The following SH3GLB1 variants were observed in gnomAD, a reference collection of about 807,000 sequenced individuals.
SH3GLB1 encodes SH3 domain containing GRB2 like, endophilin B1, also known as endophilin-B1.
SH3GLB1 carries 17 observed loss-of-function variants against 42.0 expected under a neutral mutation model. The observed-to-expected ratio is 0.40, with a 90% CI of 0.28 to 0.61. The LOEUF is 0.61. SH3GLB1 is among the 20% of genes least tolerant of loss of function. The pLI is 0.36. For synonymous variants in SH3GLB1, 132 were observed against 146.6 expected (o/e 0.90, Z 0.72); for missense variants, 355 against 426.3 (o/e 0.83, Z 1.47).
In SH3GLB1 at chr1:86,746,858, ACT is replaced by A. The variant is rs1656332828; in HGVS notation, c.*3626_*3627del. ...ACTCCAACCTGGGTGATAGAATAAG[ACT>A]CTTGTCTCAAGGAAAGAAAAAATGT... On this transcript the variant is annotated 3_prime_UTR_variant, in exon 9 of 9. Transcript: ENST00000370558. 6.6e-6 allele frequency: 1 copy of A among 151,918 alleles called. No individual in the cohort carries two copies. Among genetic ancestry groups the A allele is most frequent in the African/African-American group, 2.4e-5 (1 of 41,320 alleles). The allele number at this position is 151,918 out of a possible 1,614,324, so 9.4% of individuals were successfully genotyped here.
Position 86,743,205 on chromosome 1 carries a change from G to A in SH3GLB1, c.1068G>A (p.Val356=), listed in dbSNP as rs1558343636. 1 of 1,613,260 alleles carries A rather than the reference G, an allele frequency of 6.2e-7. No individual in the cohort carries two copies. Among genetic ancestry groups the A allele is most frequent in the Non-Finnish European group, 8.5e-7 (1 of 1,179,708 alleles). The change falls in exon 9 of 9, where the codon GTG becomes GTA. Residue 356 remains valine (V), a synonymous_variant. Transcript: ENST00000370558. ...AAAGGGGAAACCAGAAGGGCAAGGT[G>A]CCAATTACCTACTTAGAACTGCTCA... ...MGERGNQKGK[V]PITYLELLN is the part of the protein sequence containing the mutation.
intron 1 of SH3GLB1, among the ~76,000 whole-genome samples, chr1:86,707,132 T>C (rs1396116180): frequency 6.6e-6 from 1 of 152,176 alleles, no homozygotes; most frequent in Non-Finnish European, 1.5e-5. Context: ...ATAAAAATCA[T>C]GGCCAGAAGA....
At position 86,745,815 on chromosome 1, in the gene SH3GLB1, TATTA is replaced by T. The variant is rs1197771583; in HGVS notation, c.*2584_*2587del. ...CGTGGAAGAAAAAGCTTGGGAAGCC[TATTA>T]ATTCATGGTGCAGTTCAGAATTGTT... On this transcript the variant is annotated 3_prime_UTR_variant, in exon 9 of 9. Transcript: ENST00000370558. The T allele has an allele frequency of 3.3e-5, 5 of 152,596 alleles. No homozygotes were observed. Among genetic ancestry groups the T allele is most frequent in the South Asian group, 4.1e-4 (2 of 4,824 alleles). 9.5% of individuals were successfully genotyped at this position (152,596 alleles called of 1,614,324 possible).
intron 5 of SH3GLB1, among the ~76,000 whole-genome samples, chr1:86,729,136 T>C (rs570869859): frequency 2.6e-5 from 4 of 152,286 alleles, no homozygotes; most frequent in South Asian, 2.1e-4. Flanking sequence ...TTTAGTAAAA[T>C]AGAAAGTTGT....
intron 1 of SH3GLB1, among the ~76,000 whole-genome samples, chr1:86,705,634 A>G (rs561998053): frequency 3.3e-5 from 5 of 152,182 alleles, no homozygotes; most frequent in Non-Finnish European, 5.9e-5. Context: ...ATGCGGGGAT[A>G]TTGTTATGGC....
At chr1:86,732,638 C>T (rs1655573514) in intron 5 of SH3GLB1, among the ~76,000 whole-genome samples, 2 of 152,124 alleles carry the variant, frequency 1.3e-5, no homozygotes, top group African/African-American at 4.8e-5. Flanking sequence ...ACAGAAGGAC[C>T]TCCTAAGCTT....
Position 86,715,691 on chromosome 1 carries a change from T to C in SH3GLB1, c.73-33T>C, listed in dbSNP as rs370681037. ...ATGGTTCCCTAAAATTTATTTGCAG[T>C]ATATTTAATTTTTGTTTTACAATCA... On this transcript the variant is annotated intron_variant, in intron 1 of 8. Coordinates refer to ENST00000370558, the MANE Select transcript of SH3GLB1 (RefSeq NM_016009.5). 3.7e-5 allele frequency: 58 copies of C among 1,561,354 alleles called. No homozygotes were observed. The African/African-American group carries it at 7.2e-4, about 20-fold the overall frequency.
intron 7 of SH3GLB1, among the ~76,000 whole-genome samples, chr1:86,741,608 A>G (rs556550896): frequency 1.3e-5 from 2 of 152,298 alleles, no homozygotes; most frequent in Admixed American, 6.5e-5. Flanking sequence ...TTGAATGTCT[A>G]CCTTCTCACT....
At chr1:86,725,656 G>A (rs1189298767) in intron 5 of SH3GLB1, among the ~76,000 whole-genome samples, 3 of 152,094 alleles carry the variant, frequency 2.0e-5, no homozygotes, top group African/African-American at 4.8e-5. Flanking sequence ...TTGCGTTAAT[G>A]AGCATATTAC....
intron 1 of SH3GLB1, among the ~76,000 whole-genome samples, chr1:86,714,670 T>C (rs535748780): frequency 1.3e-5 from 2 of 152,230 alleles, no homozygotes; most frequent in East Asian, 3.9e-4. Context: ...AACGAGATTT[T>C]TGAGAAACGA....
intron 4 of SH3GLB1, among the ~76,000 whole-genome samples, chr1:86,723,549 T>A (rs1174399570): frequency 6.6e-6 from 1 of 151,986 alleles, no homozygotes; most frequent in South Asian, 2.1e-4. Flanking sequence ...AAATAAAAAT[T>A]AGCTTATCAG....
At chr1:86,724,166 T>G in intron 4 of SH3GLB1, 147 bp from the exon 5 acceptor site, 1 of 482,698 alleles carries the variant, frequency 2.1e-6, no homozygotes, top group Non-Finnish European at 3.6e-6. Flanking sequence ...GGCAGATACA[T>G]GAATGGTAAC....
intron 2 of SH3GLB1, among the ~76,000 whole-genome samples, chr1:86,716,955 T>G (rs1425835513): frequency 6.6e-6 from 1 of 152,212 alleles, no homozygotes; most frequent in Non-Finnish European, 1.5e-5. Context: ...CAGTTCTCTA[T>G]CATTTTAGTT....
chr1:86,737,023 G>A (rs563904584), intron 7 of SH3GLB1, among the ~76,000 whole-genome samples: 2 of 152,268 alleles, frequency 1.3e-5, no homozygotes, highest in South Asian at 4.1e-4. Context: ...CCATCACTTT[G>A]GTTGAGCTTA....
Position 86,705,641 on chromosome 1 carries a change from T to C in SH3GLB1, c.72+670T>C, listed in dbSNP as rs149257796. 2.4e-3 allele frequency among the ~76,000 whole-genome samples: 365 copies of C among 152,298 alleles called. 3 individuals carry two copies. Among genetic ancestry groups the C allele is most frequent in the African/African-American group, 8.3e-3 (346 of 41,556 alleles). ...AAGGAGAGATGCGGGGATATTGTTATGGCTGTAGTCACAGTAGTATGTTTT... is the reference window on the plus strand; with the variant it reads ...AAGGAGAGATGCGGGGATATTGTTACGGCTGTAGTCACAGTAGTATGTTTT... On this transcript the variant is annotated intron_variant, in intron 1 of 8. Coordinates refer to ENST00000370558, the MANE Select transcript of SH3GLB1 (RefSeq NM_016009.5).
At chr1:86,726,401 G>A (rs927294167) in intron 5 of SH3GLB1, among the ~76,000 whole-genome samples, 10 of 151,952 alleles carry the variant, frequency 6.6e-5, no homozygotes. Flanking sequence ...AAATATAATA[G>A]TAGACCAATT....
chr1:86,709,736 T>G (rs1289866251), intron 1 of SH3GLB1, among the ~76,000 whole-genome samples: 1 of 152,222 alleles, frequency 6.6e-6, no homozygotes, highest in Non-Finnish European at 1.5e-5. Context: ...TAACATTTCC[T>G]CTAAACTGAT....
intron 1 of SH3GLB1, among the ~76,000 whole-genome samples, chr1:86,710,963 A>G (rs978709643): frequency 6.6e-6 from 1 of 152,230 alleles, no homozygotes. Flanking sequence ...GCTACACCCC[A>G]GTCCAATTAA....
At chr1:86,732,264 T>C (rs921353133) in intron 5 of SH3GLB1, among the ~76,000 whole-genome samples, 1 of 152,184 alleles carries the variant, frequency 6.6e-6, no homozygotes, top group Non-Finnish European at 1.5e-5. Flanking sequence ...ATCTTCCAGT[T>C]ACATTTTAGA....
Sources: gnomAD v4.1 joint callset for allele counts (sites outside exome capture counted in the v4.1 genomes callset) on GRCh38, gnomAD v4.1.1 for gene constraint, MANE v1.5 for transcripts, NCBI Gene and HGNC (gene_info 2026-07-23, HGNC 2026-07-21) for gene names.